The following HRH1 variants were observed in gnomAD, a reference collection of about 807,000 sequenced individuals.
HRH1 encodes the protein histamine receptor H1.
Under a neutral mutation model 10.3 loss-of-function variants are expected in HRH1, and 6 were observed. The ratio of observed to expected loss-of-function variants is 0.58; its 90% CI spans 0.32 to 1.15. The LOEUF (loss-of-function observed/expected upper bound fraction) is 1.15. Ranked by LOEUF, HRH1 falls within the 50% of genes most tolerant of loss-of-function variation. The pLI is 0.05. For synonymous variants in HRH1, 242 were observed against 236.7 expected, an observed-to-expected ratio of 1.02 and a Z score of -0.21; for missense variants, 514 against 615.3, an observed-to-expected ratio of 0.84 and a Z score of 1.74.
chr3:11,240,604 C>T (rs1458619666), intron 1 of HRH1, among the ~76,000 whole-genome samples: 2 of 151,038 alleles, frequency 1.3e-5, no homozygotes, highest in Non-Finnish European at 3.0e-5. Context: ...CCCGCAAGGT[C>T]ATCTGCCTCT....
chr3:11,207,148 T>C (rs1242645936), intron 1 of HRH1, among the ~76,000 whole-genome samples: 1 of 151,140 alleles, frequency 6.6e-6, no homozygotes, highest in Non-Finnish European at 1.5e-5. Context: ...GGGTTGATGG[T>C]GGGCAGGGGG....
intron 1 of HRH1, among the ~76,000 whole-genome samples, chr3:11,220,777 C>T (rs1281484050): frequency 6.6e-6 from 1 of 152,130 alleles, no homozygotes; most frequent in South Asian, 2.1e-4. Context: ...TTCACTTTTT[C>T]CCCCTGCATT....
At chr3:11,190,733 C>T (rs1574998598) in intron 1 of HRH1, among the ~76,000 whole-genome samples, 1 of 152,208 alleles carries the variant, frequency 6.6e-6, no homozygotes, top group Middle Eastern at 3.4e-3. Flanking sequence ...GGCCTATGGT[C>T]CCAGCTACTC....
chr3:11,255,586 G>A (rs1402517041), intron 1 of HRH1, among the ~76,000 whole-genome samples: 1 of 152,260 alleles, frequency 6.6e-6, no homozygotes, highest in African/African-American at 2.4e-5. Flanking sequence ...TCCTGACGAT[G>A]TGCCCAAAGT....
chr3:11,185,052 AC>A (rs1297205179), intron 1 of HRH1, among the ~76,000 whole-genome samples: 1 of 144,998 alleles, frequency 6.9e-6, no homozygotes, highest in Non-Finnish European at 1.5e-5. Context: ...AAAAAAAAAA[AC>A]CCTGCCAGTA....
At chr3:11,248,118 A>C (rs1575041458) in intron 1 of HRH1, among the ~76,000 whole-genome samples, 1 of 152,312 alleles carries the variant, frequency 6.6e-6, no homozygotes, top group South Asian at 2.1e-4. Context: ...AAAGTACAAC[A>C]TTGGACTCCA....
chr3:11,138,734 G>A (rs1936234961), intron 1 of HRH1, among the ~76,000 whole-genome samples: 1 of 147,704 alleles, frequency 6.8e-6, no homozygotes, highest in Non-Finnish European at 1.5e-5. Context: ...GAGTGCAGTG[G>A]CATGATCACA....
chr3:11,158,862 C>A (rs2125007404), intron 1 of HRH1, among the ~76,000 whole-genome samples: 1 of 152,300 alleles, frequency 6.6e-6, no homozygotes, highest in Admixed American at 6.5e-5. Context: ...GTAAGAGGTA[C>A]AAATAACAGT....
At chr3:11,235,034 T>TAGA (rs1464511520) in intron 1 of HRH1, among the ~76,000 whole-genome samples, 6 of 151,986 alleles carry the variant, frequency 3.9e-5, no homozygotes, top group Non-Finnish European at 8.8e-5. Context: ...GCTAACACAG[T>TAGA]GAAACCCCAT....
intron 1 of HRH1, among the ~76,000 whole-genome samples, chr3:11,255,199 C>A (rs897037313): frequency 1.3e-5 from 2 of 152,302 alleles, no homozygotes; most frequent in South Asian, 2.1e-4. Context: ...GAGCTGAGAT[C>A]ACGCCATTGC....
intron 1 of HRH1, among the ~76,000 whole-genome samples, chr3:11,183,471 C>T (rs910569814): frequency 2.6e-5 from 4 of 152,174 alleles, no homozygotes; most frequent in African/African-American, 9.7e-5. Flanking sequence ...TCCTAAACCT[C>T]CTACAGTGCA....
At chr3:11,222,919 G>T (rs1938755046) in intron 1 of HRH1, among the ~76,000 whole-genome samples, 1 of 151,960 alleles carries the variant, frequency 6.6e-6, no homozygotes, top group Admixed American at 6.6e-5. Flanking sequence ...GGGCGCGGTG[G>T]CTCACGCCTG....
intron 1 of HRH1, among the ~76,000 whole-genome samples, chr3:11,171,563 A>AT (rs1937152225): frequency 1.3e-5 from 2 of 152,216 alleles, no homozygotes; most frequent in Admixed American, 6.5e-5. Context: ...CAGAATCTGC[A>AT]TTTTAACAAG....
intron 1 of HRH1, among the ~76,000 whole-genome samples, chr3:11,187,960 T>C (rs1395147975): frequency 2.0e-5 from 3 of 152,206 alleles, no homozygotes; most frequent in African/African-American, 7.2e-5. Context: ...TTTCCTGTTA[T>C]TAAAATGTGT....
intron 1 of HRH1, among the ~76,000 whole-genome samples, chr3:11,138,042 G>T (rs940673314): frequency 6.6e-6 from 1 of 151,884 alleles, no homozygotes; most frequent in African/African-American, 2.4e-5. Flanking sequence ...TTGAGACGGA[G>T]TCTCCCTCTG....
Position 11,140,931 on chromosome 3 carries a change from A to G in HRH1, c.-36+3532A>G, listed in dbSNP as rs142006469. ...GTTTCTGTGCAGAGAAATACCACACATTATGCATAAGCATCTGAACTTTCT... is the reference window on the plus strand; with the variant it reads ...GTTTCTGTGCAGAGAAATACCACACGTTATGCATAAGCATCTGAACTTTCT... On this transcript the variant is annotated intron_variant, in intron 1 of 1. Coordinates refer to the HRH1 transcript ENST00000438284. 3.7e-4 allele frequency among the ~76,000 whole-genome samples: 57 copies of G among 152,342 alleles called. No individual in the cohort carries two copies. In the East Asian group the frequency reaches 9.5e-3, roughly 25 times the overall value.
intron 1 of HRH1, among the ~76,000 whole-genome samples, chr3:11,179,243 G>A (rs1027731119): frequency 2.2e-4 from 34 of 151,382 alleles, no homozygotes; most frequent in African/African-American, 5.8e-4. Flanking sequence ...AGCCAAGATC[G>A]CGCCACTGCA....
intron 1 of HRH1, among the ~76,000 whole-genome samples, chr3:11,250,091 G>A (rs1939604438): frequency 7.4e-6 from 1 of 135,758 alleles, no homozygotes; most frequent in Non-Finnish European, 1.5e-5. Context: ...CGCCCAGGCT[G>A]GAGTGCAGTG....
At chr3:11,245,387 A>G (rs1019598700) in intron 1 of HRH1, among the ~76,000 whole-genome samples, 4 of 151,834 alleles carry the variant, frequency 2.6e-5, no homozygotes, top group African/African-American at 9.7e-5. Flanking sequence ...AGTTAGATAG[A>G]CCTACGTTCA....
Sources: gnomAD v4.1 joint callset for allele counts (sites outside exome capture counted in the v4.1 genomes callset) on GRCh38, gnomAD v4.1.1 for gene constraint, MANE v1.5 for transcripts, NCBI Gene and HGNC (gene_info 2026-07-23, HGNC 2026-07-21) for gene names.